Variants in MYOCD observed in about 807,000 individuals in gnomAD.
The protein encoded by MYOCD is myocardin.
A neutral mutation model predicts 96.1 loss-of-function variants in MYOCD; 32 were observed. The ratio of observed to expected loss-of-function variants is 0.33; its 90% CI spans 0.25 to 0.45. The LOEUF (loss-of-function observed/expected upper bound fraction) is 0.45, where lower values mean the gene tolerates loss of function less well. Ranked by LOEUF, MYOCD falls within the 20% of genes least tolerant of loss-of-function variation. The pLI, the probability that MYOCD is intolerant of heterozygous loss-of-function variation, is 1.00. For synonymous variants in MYOCD, 469 were observed against 469.0 expected (o/e 1.00, Z 0.00); for missense variants, 1,133 against 1,200.6 (o/e 0.94, Z 0.83).
At position 12,736,307 on chromosome 17, in the gene MYOCD, C is replaced by G; in HGVS notation, c.562C>G (p.Pro188Ala). Residue 188 changes from proline (P) to alanine (A), a missense_variant, in exon 6 of 14, where the codon CCT (proline) becomes GCT (alanine). Pro to Ala is a conservative substitution (Grantham distance 27). Coordinates refer to ENST00000425538, the MANE Select transcript of MYOCD (RefSeq NM_001146312.3). ...SPPDAKASDT[P>A]STGSLGTNQD... ...GCCAGACGCTAAAGCCTCAGATACC[C>G]CTTCGACAGGTTCTCTGGGGACAAA... 1 of 1,614,070 alleles carries G rather than the reference C, an allele frequency of 6.2e-7. No individual in the cohort carries two copies. Among genetic ancestry groups the G allele is most frequent in the Non-Finnish European group, 8.5e-7 (1 of 1,179,990 alleles).
intron 7 of MYOCD, among the ~76,000 whole-genome samples, chr17:12,741,018 G>A (rs1334077904): frequency 1.6e-5 from 2 of 123,182 alleles, no homozygotes; most frequent in Admixed American, 9.2e-5. Flanking sequence ...GATTACAGGC[G>A]TAAGCCACCG....
intron 5 of MYOCD, among the ~76,000 whole-genome samples, chr17:12,733,690 A>G (rs1036502824): frequency 1.3e-5 from 2 of 152,284 alleles, no homozygotes; most frequent in Admixed American, 1.3e-4. Flanking sequence ...TAACATGGTG[A>G]AACCCTGTCT....
chr17:12,743,399 T>A (rs1208932498), intron 7 of MYOCD, among the ~76,000 whole-genome samples: 1 of 151,828 alleles, frequency 6.6e-6, no homozygotes, highest in Non-Finnish European at 1.5e-5. Flanking sequence ...TCAAAGAAAA[T>A]CTTAGTTTTA....
At chr17:12,710,836 C>T (rs2031459988) in intron 2 of MYOCD, among the ~76,000 whole-genome samples, 1 of 152,134 alleles carries the variant, frequency 6.6e-6, no homozygotes, top group African/African-American at 2.4e-5. Flanking sequence ...ATGTCAATCC[C>T]ATTTGGGTCA....
At chr17:12,698,916 G>A (rs1261466000) in intron 1 of MYOCD, among the ~76,000 whole-genome samples, 3 of 150,926 alleles carry the variant, frequency 2.0e-5, no homozygotes, top group Admixed American at 1.3e-4. Flanking sequence ...CTAATTTTTT[G>A]TATTTTTAGT....
chr17:12,712,156 C>T (rs1032043824), intron 2 of MYOCD, among the ~76,000 whole-genome samples: 2 of 152,058 alleles, frequency 1.3e-5, no homozygotes, highest in Non-Finnish European at 2.9e-5. Flanking sequence ...CCACCACACC[C>T]GGCCAAGAAT....
At chr17:12,684,952 T>C (rs931752149) in intron 1 of MYOCD, among the ~76,000 whole-genome samples, 1 of 152,066 alleles carries the variant, frequency 6.6e-6, no homozygotes, top group Non-Finnish European at 1.5e-5. Context: ...TATACACTTA[T>C]GAAGCCAGCC....
At chr17:12,733,885 A>AG (rs57623484) in intron 5 of MYOCD, among the ~76,000 whole-genome samples, 45,406 of 138,188 alleles carry the variant, frequency 0.33, 8,071 homozygotes, top group East Asian at 0.46. Flanking sequence ...AAAAAAGAAA[A>AG]AAAGAAAGAA....
In MYOCD at chr17:12,715,573, A is replaced by G. The variant is rs752522935; in HGVS notation, c.176A>G (p.Lys59Arg). 1 of 1,613,486 alleles carries G rather than the reference A, an allele frequency of 6.2e-7. No individual in the cohort carries two copies. The highest frequency in any genetic ancestry group is 1.7e-5 in the Admixed American group (1 of 59,938). ...CAAAGAAAACATTTGGATAGTGACA[A>G]GGTAATTTTTGCAAATTTCTTGACC... ...HEQRKHLDSD[K>R]AKNSLKRKAR... is the part of the protein sequence containing the mutation. The change falls in exon 3 of 14, where the codon AAG becomes AGG. Residue 59 changes from lysine to arginine, a missense_variant and splice_region_variant. Lys to Arg is a conservative substitution (Grantham distance 26). Coordinates refer to ENST00000425538, the MANE Select transcript of MYOCD (RefSeq NM_001146312.3).
chr17:12,755,697 C>A (rs978613638), intron 10 of MYOCD, among the ~76,000 whole-genome samples: 1 of 152,070 alleles, frequency 6.6e-6, no homozygotes, highest in East Asian at 1.9e-4. Flanking sequence ...TATGGTGAGA[C>A]CCCATCTCTA....
At chr17:12,717,570 T>C (rs2031687485) in intron 4 of MYOCD, 149 bp downstream of exon 4, 3 of 647,212 alleles carry the variant, frequency 4.6e-6, no homozygotes. Context: ...ATCTAAGCCT[T>C]CTAGGCCACG....
rs755014922 is a variant in MYOCD, at chr17:12,746,047, T to C, written c.1100T>C (p.Leu367Pro). Reference protein sequence around the residue: ...TGVSSFKPGPLPPNLDDLKVS... With the variant: ...TGVSSFKPGPPPPNLDDLKVS... ...GTCTCTTCTTTCAAACCAGGCCCAC[T>C]CCCACCTAACCTGGATGATCTGAAG... The change falls in exon 9 of 14, where the codon CTC becomes CCC. Residue 367 changes from leucine (L) to proline (P), a missense_variant. Physicochemically the swap from Leu to Pro is moderately conservative, Grantham distance 98. Transcript: ENST00000425538. 3 of 1,614,218 alleles carry C rather than the reference T, an allele frequency of 1.9e-6. No homozygotes were observed. Among genetic ancestry groups the C allele is most frequent in the Non-Finnish European group, 2.5e-6 (3 of 1,180,034 alleles).
chr17:12,681,271 G>A lies in MYOCD; in HGVS notation c.55+15028G>A, dbSNP rs7220456. ...TGGATTCTGCCCTCTTAGTGACATC[G>A]TAAGGCATTTCCACTTGAGGTTTTT... On this transcript the variant is annotated intron_variant, in intron 1 of 13. Transcript: ENST00000425538. Among the ~76,000 whole-genome samples, 714 of 152,242 alleles carry A rather than the reference G, an allele frequency of 4.7e-3. 6 individuals are homozygous for A. Among genetic ancestry groups the A allele is most frequent in the African/African-American group, 0.016 (681 of 41,554 alleles).
intron 9 of MYOCD, among the ~76,000 whole-genome samples, chr17:12,749,772 A>G (rs2032789517): frequency 6.7e-6 from 1 of 148,592 alleles, no homozygotes; most frequent in East Asian, 2.0e-4. Flanking sequence ...TACATTTATT[A>G]GTTTCTCTGA....
At chr17:12,735,660 C>G (rs1227641904) in intron 5 of MYOCD, among the ~76,000 whole-genome samples, 1 of 152,158 alleles carries the variant, frequency 6.6e-6, no homozygotes, top group Non-Finnish European at 1.5e-5. Context: ...AGTAGCTGTC[C>G]TAGCTTATCC....
intron 9 of MYOCD, among the ~76,000 whole-genome samples, chr17:12,748,413 T>G (rs2032735609): frequency 6.6e-6 from 1 of 152,126 alleles, no homozygotes. Context: ...AGAAGTGGGT[T>G]GGAGTATAGA....
At chr17:12,673,109 C>T (rs1320454547) in intron 1 of MYOCD, among the ~76,000 whole-genome samples, 4 of 152,162 alleles carry the variant, frequency 2.6e-5, no homozygotes, top group South Asian at 4.2e-4. Flanking sequence ...TTTCTATTTC[C>T]GGAAACACTC....
At chr17:12,734,504 C>CTTTTTTTTT (rs3050319) in intron 5 of MYOCD, among the ~76,000 whole-genome samples, 6 of 65,476 alleles carry the variant, frequency 9.2e-5, no homozygotes, top group Admixed American at 2.6e-4. Context: ...ACACATGATC[C>CTTTTTTTTT]TTTTTTTTTT....
intron 1 of MYOCD, among the ~76,000 whole-genome samples, chr17:12,679,091 T>G: frequency 6.6e-6 from 1 of 152,052 alleles, no homozygotes; most frequent in East Asian, 1.9e-4. Flanking sequence ...TACCACATGG[T>G]CCCCCAGAGA....
Sources: allele counts gnomAD v4.1 joint callset (sites outside exome capture counted in the v4.1 genomes callset), GRCh38; gene constraint gnomAD v4.1.1; transcripts MANE v1.5; gene names NCBI Gene and HGNC (gene_info 2026-07-23, HGNC 2026-07-21).